The following AKAP1 variants were observed in gnomAD, a reference collection of about 807,000 sequenced individuals.
The protein encoded by AKAP1 is A-kinase anchor protein 1, mitochondrial.
Under a neutral mutation model 79.8 loss-of-function variants are expected in AKAP1, and 32 were observed. That is an observed-to-expected ratio of 0.40 (90% CI 0.30 to 0.54). AKAP1 has a LOEUF of 0.54. AKAP1 is among the 20% of genes least tolerant of loss of function. The pLI is 0.47. For missense variants in AKAP1, 961 were observed against 1,138.9 expected (o/e 0.84, Z 2.25); for synonymous variants, 416 against 466.7 (o/e 0.89, Z 1.40).
At chr17:57,101,423 G>A (rs1597970538) in intron 1 of AKAP1, among the ~76,000 whole-genome samples, 2 of 151,492 alleles carry the variant, frequency 1.3e-5, no homozygotes, top group East Asian at 2.0e-4. Context: ...GCGATTTGCC[G>A]CCCCCTCCAC....
In AKAP1 at chr17:57,106,403, T is replaced by G. The variant is rs1286124120; in HGVS notation, c.939T>G (p.Asn313Lys). 29 of 1,409,726 alleles carry G rather than the reference T, an allele frequency of 2.1e-5. No homozygotes were observed. The highest frequency in any genetic ancestry group is 2.9e-5 in the Non-Finnish European group (29 of 1,011,264). The allele number at this position is 1,409,726 out of a possible 1,614,324, so 87.3% of individuals were successfully genotyped here. Reference sequence around the variant, plus strand: ...GCAATGAGGAGAGCTTGGATAGAAATGAGGAGGGCTTGGATAGAAATGAGG... The same window carrying G: ...GCAATGAGGAGAGCTTGGATAGAAAGGAGGAGGGCTTGGATAGAAATGAGG... The part of the protein sequence containing the change: ...ELGNEESLDR[N>K]EEGLDRNEEG... Residue 313 changes from asparagine to lysine, a missense_variant, in exon 2 of 11, where the codon AAT becomes AAG. Physicochemically the swap from Asn to Lys is moderately conservative, Grantham distance 94. Transcript: ENST00000337714.
At chr17:57,117,258 T>C (rs965826889) in intron 8 of AKAP1, among the ~76,000 whole-genome samples, 1 of 152,192 alleles carries the variant, frequency 6.6e-6, no homozygotes, top group Non-Finnish European at 1.5e-5. Context: ...TGCTGGTCAC[T>C]GATACTGCTC....
intron 9 of AKAP1, 89 bp downstream of exon 9, chr17:57,118,543 G>T: frequency 7.5e-7 from 1 of 1,328,020 alleles, no homozygotes. Context: ...GCTTGGCCCT[G>T]GATTGACCAG....
At chr17:57,109,450 A>G (rs572182749) in intron 2 of AKAP1, among the ~76,000 whole-genome samples, 32 of 152,330 alleles carry the variant, frequency 2.1e-4, no homozygotes, top group African/African-American at 7.0e-4. Context: ...TAGTCCACAT[A>G]TGGCAGAGGA....
chr17:57,088,589 C>G (rs1423026972), intron 1 of AKAP1, among the ~76,000 whole-genome samples: 1 of 152,132 alleles, frequency 6.6e-6, no homozygotes. Context: ...AAACTAGGTC[C>G]TCTGGATGGC....
chr17:57,091,420 G>A (rs1267487569), intron 1 of AKAP1, among the ~76,000 whole-genome samples: 1 of 152,188 alleles, frequency 6.6e-6, no homozygotes, highest in Non-Finnish European at 1.5e-5. Flanking sequence ...GGAGAGAGAG[G>A]AGAATAAAGC....
chr17:57,112,663 C>A (rs749153752), intron 5 of AKAP1, 45 bp downstream of exon 5: 2 of 1,560,320 alleles, frequency 1.3e-6, no homozygotes, highest in Non-Finnish European at 1.7e-6. Context: ...CACTTTCCCC[C>A]AAACCTACCC....
At chr17:57,108,105 A>C in intron 2 of AKAP1, 738 of 1,006,892 alleles carry the variant, frequency 7.3e-4, no homozygotes, top group Non-Finnish European at 8.5e-4. Flanking sequence ...CATTTATCTC[A>C]TGGAGAGAGG....
rs1423162944 is a variant in AKAP1 at position 57,118,304 on chromosome 17, C to T, written c.2501-77C>T. 10 of 1,379,206 alleles carry T rather than the reference C, an allele frequency of 7.3e-6. No individual in the cohort carries two copies. The East Asian group carries it at 1.6e-4, about 22-fold the overall frequency. 85.4% of individuals were successfully genotyped at this position (1,379,206 alleles called of 1,614,324 possible). ...TCTGAAGCATTCTACTTGGAATGCACCTGAAACTTGTGTACATGACAAGGG... is the reference window on the plus strand; with the variant it reads ...TCTGAAGCATTCTACTTGGAATGCATCTGAAACTTGTGTACATGACAAGGG... On this transcript the variant is annotated intron_variant, in intron 8 of 10. Transcript: ENST00000337714.
chr17:57,091,360 C>T (rs1313072642), intron 1 of AKAP1, among the ~76,000 whole-genome samples: 1 of 152,212 alleles, frequency 6.6e-6, no homozygotes, highest in African/African-American at 2.4e-5. Context: ...GTGTACGGGA[C>T]AGGTCCTGGT....
chr17:57,090,958 A>G (rs1344808205), intron 1 of AKAP1, among the ~76,000 whole-genome samples: 2 of 152,212 alleles, frequency 1.3e-5, no homozygotes, highest in Non-Finnish European at 2.9e-5. Flanking sequence ...ACCCAGCAGT[A>G]GCTGGCCTCC....
intron 4 of AKAP1, 78 bp from the exon 5 acceptor site, chr17:57,112,413 T>C: frequency 1.9e-6 from 3 of 1,545,078 alleles, no homozygotes; most frequent in Non-Finnish European, 2.6e-6. Flanking sequence ...GAGTGGGGTC[T>C]GTGGCTGTGT....
At chr17:57,110,980 C>G (rs932606516) in intron 3 of AKAP1, among the ~76,000 whole-genome samples, 1 of 151,988 alleles carries the variant, frequency 6.6e-6, no homozygotes, top group African/African-American at 2.4e-5. Flanking sequence ...TTGGCTTGGT[C>G]TGAACTCTGG....
chr17:57,113,438 T>G (rs573272533), intron 5 of AKAP1, among the ~76,000 whole-genome samples: 1 of 151,892 alleles, frequency 6.6e-6, no homozygotes, highest in African/African-American at 2.4e-5. Context: ...GGCATTTCAG[T>G]TTTGTGTCTT....
intron 4 of AKAP1, among the ~76,000 whole-genome samples, chr17:57,112,244 T>C (rs1915292543): frequency 6.6e-6 from 1 of 152,146 alleles, no homozygotes; most frequent in South Asian, 2.1e-4. Flanking sequence ...AATTCCCCCT[T>C]GGCATTTTCA....
intron 1 of AKAP1, among the ~76,000 whole-genome samples, chr17:57,089,818 C>T (rs980550276): frequency 1.3e-5 from 2 of 152,158 alleles, no homozygotes; most frequent in Non-Finnish European, 2.9e-5. Flanking sequence ...TGAGTGAGGA[C>T]CTTCAGAAAG....
chr17:57,119,289 T>C (rs1351821476), intron 10 of AKAP1, among the ~76,000 whole-genome samples: 1 of 152,114 alleles, frequency 6.6e-6, no homozygotes, highest in African/African-American at 2.4e-5. Flanking sequence ...AGCAAATAAT[T>C]ATCCAACCGC....
In AKAP1 at chr17:57,106,182, G is replaced by C; in HGVS notation, c.718G>C (p.Glu240Gln). 6.2e-7 allele frequency: 1 copy of C among 1,614,136 alleles called. No homozygotes were observed. Among genetic ancestry groups the C allele is most frequent in the East Asian group, 2.2e-5 (1 of 44,878 alleles). Residue 240 changes from glutamate to glutamine, a missense_variant, in exon 2 of 11, where the codon GAG (glutamate) becomes CAG (glutamine). By Grantham distance (29) the Glu-to-Gln change is conservative (BLOSUM62 2). Around this residue, in one of 3 missense-constraint regions of AKAP1, gnomAD observed 224 missense variants for 210.2 expected, o/e 1.07. Transcript: ENST00000337714. ...CAAGGGCCCCAGCCTGGCCTCTTTAGAGGGGGAAGAAGATAAGGGGAAGAG... is the reference window on the plus strand; with the variant it reads ...CAAGGGCCCCAGCCTGGCCTCTTTACAGGGGGAAGAAGATAAGGGGAAGAG... ...NSKGPSLASL[E>Q]GEEDKGKSSS...
chr17:57,114,314 C>T (rs1242821783), intron 5 of AKAP1, 145 bp from the exon 6 acceptor site: 1 of 964,228 alleles, frequency 1.0e-6, no homozygotes, highest in Non-Finnish European at 1.5e-6. Context: ...AGTCCTTCAA[C>T]CTCTACCTTC....
Sources: allele counts gnomAD v4.1 joint callset (sites outside exome capture counted in the v4.1 genomes callset), GRCh38; gene constraint gnomAD v4.1.1; regional missense constraint gnomAD v4.1.1; transcripts MANE v1.5; gene names NCBI Gene and HGNC (gene_info 2026-07-23, HGNC 2026-07-21).